The following SNPH variants were observed in gnomAD, a reference collection of about 807,000 sequenced individuals.
SNPH encodes syntaphilin.
In SNPH, 10 loss-of-function variants were observed where a neutral mutation model predicts 36.8. The observed-to-expected ratio is 0.27, with a 90% CI of 0.17 to 0.46. The LOEUF is 0.46. Ranked by LOEUF, SNPH falls within the 20% of genes least tolerant of loss-of-function variation. The pLI, the probability that SNPH is intolerant of heterozygous loss-of-function variation, is 1.00. For synonymous variants in SNPH, 281 were observed against 312.2 expected (o/e 0.90, Z 1.05); for missense variants, 622 against 744.0 (o/e 0.84, Z 1.91).
chr20:1,268,262 A>G (rs1261907670), intron 2 of SNPH, among the ~76,000 whole-genome samples: 1 of 152,198 alleles, frequency 6.6e-6, no homozygotes. Flanking sequence ...CCTGGCATCC[A>G]AGGGCGGAGT....
rs1374647580 is a variant in SNPH, at chr20:1,296,164, T to G, written c.-76T>G. On this transcript the variant is annotated 5_prime_UTR_variant, in exon 4 of 7. Coordinates refer to ENST00000381867, the MANE Select transcript of SNPH (RefSeq NM_001318234.2). ...GAACCTGTGCACCAGCCCTATTCAA[T>G]TCACTGGTGGAGGCAGCCGTGGTCT... The G allele has an allele frequency of 2.3e-6, 3 of 1,295,074 alleles. 1 individual carries two copies. The highest frequency in any genetic ancestry group is 3.1e-6 in the Non-Finnish European group (3 of 967,314). 80.2% of individuals were successfully genotyped at this position (1,295,074 alleles called of 1,614,324 possible). A position where few individuals can be genotyped will look rare whatever the true frequency, so the allele number is the denominator to read the frequency against.
chr20:1,269,700 C>T (rs1183851165), intron 2 of SNPH, among the ~76,000 whole-genome samples: 4 of 152,172 alleles, frequency 2.6e-5, no homozygotes, highest in Non-Finnish European at 5.9e-5. Context: ...TTTCCTTTCA[C>T]CGTGAGCCCT....
chr20:1,274,812 G>A (rs1019393009), intron 2 of SNPH, among the ~76,000 whole-genome samples: 1 of 152,150 alleles, frequency 6.6e-6, no homozygotes, highest in Admixed American at 6.5e-5. Context: ...GGAAGCAGAG[G>A]TACAGTAAAT....
At chr20:1,284,380 G>A (rs1409683416) in intron 2 of SNPH, among the ~76,000 whole-genome samples, 4 of 152,104 alleles carry the variant, frequency 2.6e-5, no homozygotes, top group Non-Finnish European at 5.9e-5. Context: ...GGCCTGTGGT[G>A]GCCTGACACT....
At chr20:1,284,273 T>A (rs1331007824) in intron 2 of SNPH, among the ~76,000 whole-genome samples, 1 of 152,172 alleles carries the variant, frequency 6.6e-6, no homozygotes, top group East Asian at 1.9e-4. Context: ...CTTCCCCCCC[T>A]TTTGTTGACT....
At chr20:1,282,226 C>G (rs1221009931) in intron 2 of SNPH, among the ~76,000 whole-genome samples, 13 of 152,258 alleles carry the variant, frequency 8.5e-5, no homozygotes, top group Admixed American at 6.5e-4. Flanking sequence ...TATCAGGGAA[C>G]CAGCCTAAAG....
intron 2 of SNPH, among the ~76,000 whole-genome samples, chr20:1,287,019 C>T (rs1004609825): frequency 2.0e-5 from 3 of 152,134 alleles, no homozygotes; most frequent in Non-Finnish European, 4.4e-5. Context: ...CCCACTTTGC[C>T]GACTCCCAGT....
intron 2 of SNPH, among the ~76,000 whole-genome samples, chr20:1,293,543 AG>A (rs1568546495): frequency 6.6e-6 from 1 of 152,138 alleles, no homozygotes; most frequent in African/African-American, 2.4e-5. Context: ...AGGGCCTAGA[AG>A]GGAGGGAGGA....
rs370145508 is a variant in SNPH at position 1,300,747 on chromosome 20, C to T, written c.440+36C>T. The T allele has an allele frequency of 3.8e-6, 6 of 1,579,332 alleles. No homozygotes were observed. The African/African-American group carries it at 8.1e-5, about 21-fold the overall frequency. On this transcript the variant is annotated intron_variant, in intron 6 of 6. Transcript: ENST00000381867. ...GGCCACGAGCAGCCCTGGGGGTACC[C>T]CACCAGCTCCACACTCAGGGAAACC...
intron 2 of SNPH, among the ~76,000 whole-genome samples, chr20:1,293,994 T>C (rs934741464): frequency 5.3e-5 from 8 of 152,194 alleles, no homozygotes; most frequent in African/African-American, 1.9e-4. Flanking sequence ...TCACACTGGC[T>C]TGGAAGAGCC....
chr20:1,292,216 C>A (rs1375960424), intron 2 of SNPH, among the ~76,000 whole-genome samples: 3 of 152,140 alleles, frequency 2.0e-5, no homozygotes, highest in Non-Finnish European at 2.9e-5. Flanking sequence ...GGAGAAGTCA[C>A]TGGTGGAAAG....
In SNPH at chr20:1,296,274, G is replaced by T. The variant is rs1243105815; in HGVS notation, c.35G>T (p.Trp12Leu). ...PGSGPSERMT[W>L]PGPALSAGPP... ...AGCGGCCCCAGCGAGAGGATGACGTGGCCTGGCCCGGCCCTTTCTGCGGGC... is the reference window on the plus strand; with the variant it reads ...AGCGGCCCCAGCGAGAGGATGACGTTGCCTGGCCCGGCCCTTTCTGCGGGC... Residue 12 changes from tryptophan (W) to leucine (L), a missense_variant, in exon 4 of 7, where the codon TGG (tryptophan) becomes TTG (leucine). Physicochemically the swap from Trp to Leu is moderately conservative, Grantham distance 61. Transcript: ENST00000381867. 7 of 1,560,498 alleles carry T rather than the reference G, an allele frequency of 4.5e-6. No homozygotes were observed. Among genetic ancestry groups the T allele is most frequent in the Middle Eastern group, 3.4e-4 (2 of 5,964 alleles).
Position 1,305,278 on chromosome 20 carries a change from G to A in SNPH, c.841G>A (p.Ala281Thr). 1.2e-6 allele frequency: 2 copies of A among 1,610,790 alleles called. No individual in the cohort carries two copies. The highest frequency in any genetic ancestry group is 1.7e-6 in the Non-Finnish European group (2 of 1,179,796). ...GCCGGGTGATCCCTCCAGCGGCTCT[G>A]CTGAGGATGGGGCAGACAGTGGCTT... Reference protein sequence around the residue: ...RQPGDPSSGSAEDGADSGFAA... With the variant: ...RQPGDPSSGSTEDGADSGFAA... Residue 281 changes from alanine to threonine, a missense_variant, in exon 7 of 7, where the codon GCT becomes ACT. This residue lies in a region of SNPH where 379 missense variants were observed against 427.9 expected (regional missense o/e 0.89). Transcript: ENST00000381867.
rs988407167 is a variant in SNPH, at chr20:1,294,748, G to A, written c.-492-203G>A. ...CCGCTGGCTGGGATGACCAGGCTCC[G>A]GGGAGGCCCTGACATGGGAAGGGGG... On this transcript the variant is annotated intron_variant, in intron 2 of 6. Transcript: ENST00000381867. The surrounding 1 kb of genome is among the most constrained non-coding windows in gnomAD (Gnocchi z 4.4). Among the ~76,000 whole-genome samples, 9 of 152,276 alleles carry A rather than the reference G, an allele frequency of 5.9e-5. 1 individual carries two copies. In the South Asian group the frequency reaches 6.2e-4, roughly 11 times the overall value.
At chr20:1,289,852 C>G (rs1020253509) in intron 2 of SNPH, among the ~76,000 whole-genome samples, 7 of 151,888 alleles carry the variant, frequency 4.6e-5, no homozygotes, top group Non-Finnish European at 8.8e-5. Context: ...AAATATATAT[C>G]ACATGTATTT....
At chr20:1,286,263 C>T (rs1289861704) in intron 2 of SNPH, among the ~76,000 whole-genome samples, 1 of 152,020 alleles carries the variant, frequency 6.6e-6, no homozygotes, top group Non-Finnish European at 1.5e-5. Context: ...AATCACCCAC[C>T]CTCTTCCAGC....
In SNPH at chr20:1,307,944, G is replaced by A. The variant is rs2088602599; in HGVS notation, c.*1890G>A. On this transcript the variant is annotated 3_prime_UTR_variant, in exon 7 of 7. Transcript: ENST00000381867. ...CCAAAGCCAAGCCGGGACTGGCTGC[G>A]GACCCAGCCTCCTGTGCCGCGCACT... The A allele has an allele frequency of 1.3e-5, 2 of 152,740 alleles. No homozygotes were observed. Among genetic ancestry groups the A allele is most frequent in the South Asian group, 2.1e-4 (1 of 4,836 alleles). 9.5% of individuals were successfully genotyped at this position (152,740 alleles called of 1,614,324 possible). A position where few individuals can be genotyped will look rare whatever the true frequency, so the allele number is the denominator to read the frequency against.
rs1050007288 is a variant in SNPH at position 1,298,642 on chromosome 20, G to C, written c.290+1390G>C. ...GCCCATGGAGGTGATCCCAACCCCAGGGCTGAGAATTGCTCCCAGCAAAGG... is the reference window on the plus strand; with the variant it reads ...GCCCATGGAGGTGATCCCAACCCCACGGCTGAGAATTGCTCCCAGCAAAGG... On this transcript the variant is annotated intron_variant, in intron 5 of 6. Transcript: ENST00000381867. Among the ~76,000 whole-genome samples the C allele has an allele frequency of 2.0e-5, 3 of 152,144 alleles. No individual in the cohort carries two copies. In the South Asian group the frequency reaches 6.2e-4, roughly 31 times the overall value.
At chr20:1,287,155 A>G (rs1034469355) in intron 2 of SNPH, among the ~76,000 whole-genome samples, 2 of 152,232 alleles carry the variant, frequency 1.3e-5, no homozygotes, top group African/African-American at 4.8e-5. Context: ...CATGAGAACA[A>G]TAAGACTGAG....
Sources: allele counts gnomAD v4.1 joint callset (sites outside exome capture counted in the v4.1 genomes callset), GRCh38; gene constraint gnomAD v4.1.1; regional missense constraint gnomAD v4.1.1; non-coding constraint Gnocchi (gnomAD v3.1); transcripts MANE v1.5; gene names NCBI Gene and HGNC (gene_info 2026-07-23, HGNC 2026-07-21).